Variants in CDH13 observed in about 807,000 individuals in gnomAD.
The protein encoded by CDH13 is cadherin 13.
Under a neutral mutation model 63.8 loss-of-function variants are expected in CDH13, and 24 were observed. That is an observed-to-expected ratio of 0.38 (90% CI 0.27 to 0.53). CDH13 has a LOEUF of 0.53. Among genes scored for constraint, CDH13 ranks in the 20% least tolerant of loss-of-function variants. CDH13 has a pLI of 0.85. For missense variants in CDH13, 1,049 were observed against 903.1 expected, an observed-to-expected ratio of 1.16 and a Z score of -2.07; for synonymous variants, 503 against 355.3, an observed-to-expected ratio of 1.42 and a Z score of -4.67.
intron 5 of CDH13, among the ~76,000 whole-genome samples, chr16:83,282,227 A>G (rs2089196154): frequency 6.6e-6 from 1 of 152,206 alleles, no homozygotes; most frequent in Non-Finnish European, 1.5e-5. Flanking sequence ...ATCAAAGATC[A>G]CTGATCTCAG....
chr16:83,020,087 C>A (rs1198625315), intron 2 of CDH13, among the ~76,000 whole-genome samples: 1 of 152,122 alleles, frequency 6.6e-6, no homozygotes, highest in South Asian at 2.1e-4. Context: ...TATCATCTTA[C>A]GGGATTGCTA....
At chr16:83,737,017 A>G (rs1911602463) in intron 10 of CDH13, among the ~76,000 whole-genome samples, 1 of 152,186 alleles carries the variant, frequency 6.6e-6, no homozygotes, top group South Asian at 2.1e-4. Flanking sequence ...CGTGGGGCTC[A>G]CACACAAAGG....
intron 8 of CDH13, among the ~76,000 whole-genome samples, chr16:83,650,611 G>T (rs917322896): frequency 3.3e-5 from 5 of 152,134 alleles, no homozygotes; most frequent in Non-Finnish European, 5.9e-5. Context: ...TCACAGCTTG[G>T]ATGGTGCTAC....
At chr16:83,141,599 T>A (rs968849558) in intron 4 of CDH13, among the ~76,000 whole-genome samples, 1 of 152,178 alleles carries the variant, frequency 6.6e-6, no homozygotes, top group Non-Finnish European at 1.5e-5. Context: ...TTGCTGCACC[T>A]ATCAACCCAT....
intron 1 of CDH13, among the ~76,000 whole-genome samples, chr16:82,749,107 G>T (rs1319498463): frequency 6.6e-6 from 1 of 151,668 alleles, no homozygotes; most frequent in Non-Finnish European, 1.5e-5. Context: ...TTTTTCAAAT[G>T]GACACAGTGA....
chr16:82,831,676 A>C (rs2038549074), intron 1 of CDH13, among the ~76,000 whole-genome samples: 1 of 152,234 alleles, frequency 6.6e-6, no homozygotes. Flanking sequence ...AGAAGAGGTA[A>C]AACAAATTCT....
At position 82,980,102 on chromosome 16, in the gene CDH13, C is replaced by A. The variant is rs180699857; in HGVS notation, c.158-51908C>A. On this transcript the variant is annotated intron_variant, in intron 2 of 13. Transcript: ENST00000567109. ...AGTGATGGCAGGGACAGTTATCTGC[C>A]CTGGTCTGAAGGGTTAAGAGGAGAG... Among the ~76,000 whole-genome samples, 358 of 152,158 alleles carry A rather than the reference C, an allele frequency of 2.4e-3. 1 individual carries two copies. Among genetic ancestry groups the A allele is most frequent in the African/African-American group, 8.0e-3 (331 of 41,532 alleles).
chr16:83,586,103 G>A (rs566144433), intron 7 of CDH13, among the ~76,000 whole-genome samples: 6 of 152,360 alleles, frequency 3.9e-5, no homozygotes, highest in Non-Finnish European at 8.8e-5. Context: ...CTCTGTGCAC[G>A]TAGCCATGAT....
chr16:83,307,231 T>G (rs7193727), intron 5 of CDH13, among the ~76,000 whole-genome samples: 75,325 of 151,982 alleles, frequency 0.5, 18,827 homozygotes, highest in East Asian at 0.54. Flanking sequence ...CCTCTGTGGG[T>G]GATTGTGGCG....
rs1036235632 is a variant in CDH13, at chr16:83,293,768, C to T, written c.637-51094C>T. 4.5e-4 allele frequency among the ~76,000 whole-genome samples: 69 copies of T among 152,210 alleles called. 1 individual carries two copies. Among genetic ancestry groups the T allele is most frequent in the African/African-American group, 1.4e-3 (58 of 41,552 alleles). On this transcript the variant is annotated intron_variant, in intron 5 of 13. Transcript: ENST00000567109. ...GAACCGGGTTGGAAAGTATTAAAAA[C>T]GAGGATTTGGTCATCTTAACAAAGT...
At chr16:82,735,341 A>G (rs1272057683) in intron 1 of CDH13, among the ~76,000 whole-genome samples, 2 of 152,216 alleles carry the variant, frequency 1.3e-5, no homozygotes, top group Non-Finnish European at 2.9e-5. Context: ...CTGTCACACC[A>G]GACAGGGCAG....
At chr16:82,898,766 A>T (rs908560568) in intron 2 of CDH13, among the ~76,000 whole-genome samples, 11 of 152,240 alleles carry the variant, frequency 7.2e-5, no homozygotes, top group African/African-American at 1.4e-4. Context: ...AGGGTGGAGT[A>T]GTGGAGAGAA....
chr16:82,913,169 G>A (rs912870539), intron 2 of CDH13, among the ~76,000 whole-genome samples: 1 of 152,018 alleles, frequency 6.6e-6, no homozygotes, highest in Non-Finnish European at 1.5e-5. Flanking sequence ...ATTTTAAAAT[G>A]GACTTTAAAA....
At chr16:83,778,150 C>G (rs770344157) in intron 11 of CDH13, among the ~76,000 whole-genome samples, 1 of 152,150 alleles carries the variant, frequency 6.6e-6, no homozygotes, top group Non-Finnish European at 1.5e-5. Flanking sequence ...AAGAGCAAAC[C>G]TCTAATGCAC....
chr16:83,785,827 C>G (rs1292202447), intron 13 of CDH13, among the ~76,000 whole-genome samples: 2 of 152,142 alleles, frequency 1.3e-5, no homozygotes, highest in Non-Finnish European at 2.9e-5. Flanking sequence ...TAAAGCCTCA[C>G]CAGGTGGTCC....
At chr16:82,815,712 T>G (rs1391111387) in intron 1 of CDH13, among the ~76,000 whole-genome samples, 1 of 152,180 alleles carries the variant, frequency 6.6e-6, no homozygotes, top group African/African-American at 2.4e-5. Flanking sequence ...TGAAGAACAG[T>G]GCCCCTAATC....
intron 1 of CDH13, among the ~76,000 whole-genome samples, chr16:82,831,629 A>G (rs1157465696): frequency 6.6e-6 from 1 of 152,216 alleles, no homozygotes; most frequent in Non-Finnish European, 1.5e-5. Flanking sequence ...ATATCCAAAA[A>G]ATAACAATAA....
intron 6 of CDH13, among the ~76,000 whole-genome samples, chr16:83,385,040 T>G (rs941162513): frequency 3.9e-5 from 6 of 152,320 alleles, no homozygotes; most frequent in African/African-American, 1.2e-4. Context: ...CCAGCACAGG[T>G]GGCCCCTACT....
In CDH13 at chr16:83,059,427, A is replaced by C. The variant is rs141594399; in HGVS notation, c.366+27209A>C. On this transcript the variant is annotated intron_variant, in intron 3 of 13. Transcript: ENST00000567109. ...GCTTAGGTTGAACTCTGGGAGAGCC[A>C]GGTGAGTGTGTGCTCAAAAAGAACT... Among the ~76,000 whole-genome samples the C allele has an allele frequency of 1.8e-3, 281 of 152,280 alleles. 3 individuals are homozygous for C. The East Asian group carries it at 0.043, about 23-fold the overall frequency.
Sources: allele counts gnomAD v4.1 joint callset (sites outside exome capture counted in the v4.1 genomes callset), GRCh38; gene constraint gnomAD v4.1.1; transcripts MANE v1.5; gene names NCBI Gene and HGNC (gene_info 2026-07-23, HGNC 2026-07-21).